The following CNTN6 variants were observed in gnomAD, a reference collection of about 807,000 sequenced individuals.
The protein encoded by CNTN6 is contactin 6, also known as contactin-6.
CNTN6 carries 137 observed loss-of-function variants against 122.8 expected under a neutral mutation model. That is an observed-to-expected ratio of 1.12 (90% CI 0.97 to 1.29). The LOEUF is 1.29. Ranked by LOEUF, CNTN6 falls within the 50% of genes most tolerant of loss-of-function variation. The probability of loss-of-function intolerance (pLI) is 0.00; values close to 1 mark genes in which losing one functional copy is unlikely to be tolerated. For synonymous variants in CNTN6, 570 were observed against 426.0 expected, an observed-to-expected ratio of 1.34 and a Z score of -4.16; for missense variants, 1,634 against 1,223.4, an observed-to-expected ratio of 1.34 and a Z score of -5.01.
intron 1 of CNTN6, among the ~76,000 whole-genome samples, chr3:1,135,134 C>A (rs764912846): frequency 1.7e-4 from 26 of 152,170 alleles, no homozygotes; most frequent in Non-Finnish European, 3.2e-4. Flanking sequence ...AAAGCCAGGG[C>A]ACTTAAGATA....
intron 4 of CNTN6, among the ~76,000 whole-genome samples, chr3:1,247,970 G>A (rs2094605463): frequency 6.6e-6 from 1 of 152,030 alleles, no homozygotes; most frequent in African/African-American, 2.4e-5. Context: ...TCTCTAAAAT[G>A]CAGACAATAG....
At chr3:1,173,418 T>G in intron 2 of CNTN6, 1 of 380,656 alleles carries the variant, frequency 2.6e-6, no homozygotes, top group East Asian at 7.3e-5. Context: ...TTTCATTTAA[T>G]CCTCAGAAAA....
chr3:1,362,989 A>G (rs921953490), intron 12 of CNTN6, among the ~76,000 whole-genome samples: 1 of 151,964 alleles, frequency 6.6e-6, no homozygotes, highest in Non-Finnish European at 1.5e-5. Flanking sequence ...TTAATGCGCT[A>G]AAGACAATAC....
intron 20 of CNTN6, among the ~76,000 whole-genome samples, chr3:1,397,990 G>C (rs1695193647): frequency 6.6e-6 from 1 of 151,986 alleles, no homozygotes; most frequent in Non-Finnish European, 1.5e-5. Context: ...AGAATTCTGA[G>C]GGGCTAGTTT....
At chr3:1,187,347 T>C (rs1279220097) in intron 2 of CNTN6, among the ~76,000 whole-genome samples, 2 of 152,146 alleles carry the variant, frequency 1.3e-5, no homozygotes, top group Admixed American at 1.3e-4. Context: ...CCAATGAGGA[T>C]GAAATAATTA....
chr3:1,369,831 T>A (rs926770330), intron 12 of CNTN6, among the ~76,000 whole-genome samples: 1 of 152,000 alleles, frequency 6.6e-6, no homozygotes, highest in East Asian at 1.9e-4. Flanking sequence ...AAAATTTTCT[T>A]GGATCCCTGG....
rs551839687 is a variant in CNTN6, at chr3:1,404,174, T to G, written c.*756T>G. ...GGTAATTATGACAAGTTGATTGCAA[T>G]GTATGTGGCCTTATTTTTATAATAA... is the stretch of plus-strand genomic sequence containing the variant. On this transcript the variant is annotated 3_prime_UTR_variant, in exon 23 of 23. Coordinates refer to ENST00000446702, the MANE Select transcript of CNTN6 (RefSeq NM_001289080.2). 7.9e-5 allele frequency: 12 copies of G among 152,176 alleles called. No individual in the cohort carries two copies. Among genetic ancestry groups the G allele is most frequent in the Non-Finnish European group, 1.8e-4 (12 of 68,044 alleles). The allele number at this position is 152,176 out of a possible 1,614,324, so 9.4% of individuals were successfully genotyped here.
At chr3:1,268,200 C>T (rs1399212590) in intron 4 of CNTN6, among the ~76,000 whole-genome samples, 4 of 152,166 alleles carry the variant, frequency 2.6e-5, no homozygotes, top group African/African-American at 9.7e-5. Flanking sequence ...ATTGTATGTC[C>T]ACCCAAGAGG....
chr3:1,389,449 T>C (rs1394095525), intron 20 of CNTN6, among the ~76,000 whole-genome samples: 25 of 152,036 alleles, frequency 1.6e-4, no homozygotes, highest in Non-Finnish European at 3.1e-4. Context: ...TACCAGCCGC[T>C]GCAAAATCAT....
intron 4 of CNTN6, among the ~76,000 whole-genome samples, chr3:1,241,339 G>A (rs1432706185): frequency 2.6e-5 from 4 of 152,000 alleles, no homozygotes; most frequent in African/African-American, 9.7e-5. Context: ...AACGGGCGAT[G>A]TTTCTCAGGG....
chr3:1,181,815 A>G (rs1331959059), intron 2 of CNTN6, among the ~76,000 whole-genome samples: 1 of 152,184 alleles, frequency 6.6e-6, no homozygotes, highest in African/African-American at 2.4e-5. Flanking sequence ...CTGATTCTTT[A>G]TAAGGAATCA....
At chr3:1,276,753 A>G (rs762371282) in intron 4 of CNTN6, among the ~76,000 whole-genome samples, 9 of 152,198 alleles carry the variant, frequency 5.9e-5, no homozygotes, top group Non-Finnish European at 1.2e-4. Context: ...AAAAAGTTAA[A>G]CTGATGCGAC....
At chr3:1,187,696 G>T (rs1284308806) in intron 2 of CNTN6, among the ~76,000 whole-genome samples, 1 of 152,182 alleles carries the variant, frequency 6.6e-6, no homozygotes, top group Non-Finnish European at 1.5e-5. Context: ...TGCAAACGCA[G>T]GACCTCTTGT....
intron 2 of CNTN6, among the ~76,000 whole-genome samples, chr3:1,183,442 C>G (rs1312466254): frequency 6.7e-6 from 1 of 150,162 alleles, no homozygotes; most frequent in Non-Finnish European, 1.5e-5. Flanking sequence ...TTGGCCATGA[C>G]CATATTTTTT....
intron 2 of CNTN6, among the ~76,000 whole-genome samples, chr3:1,186,145 CAGAGA>C (rs2093625360): frequency 6.6e-6 from 1 of 151,938 alleles, no homozygotes; most frequent in Non-Finnish European, 1.5e-5. Context: ...ATTAAATTCT[CAGAGA>C]AGAGAAAAAA....
At chr3:1,343,973 A>G (rs1027610082) in intron 11 of CNTN6, among the ~76,000 whole-genome samples, 7 of 152,212 alleles carry the variant, frequency 4.6e-5, no homozygotes, top group Non-Finnish European at 1.0e-4. Context: ...TTATCTAAAA[A>G]GAAAATTAAA....
At chr3:1,234,893 A>G (rs2094402071) in intron 4 of CNTN6, among the ~76,000 whole-genome samples, 1 of 152,210 alleles carries the variant, frequency 6.6e-6, no homozygotes, top group Non-Finnish European at 1.5e-5. Flanking sequence ...TATCAAGGAG[A>G]AAACTTTGTC....
chr3:1,316,487 G>T (rs1393809072), intron 7 of CNTN6, among the ~76,000 whole-genome samples: 3 of 151,756 alleles, frequency 2.0e-5, no homozygotes, highest in Non-Finnish European at 4.4e-5. Context: ...CAGCACCACG[G>T]AGATAGTGCT....
intron 4 of CNTN6, among the ~76,000 whole-genome samples, chr3:1,265,147 T>C (rs2094908324): frequency 1.3e-5 from 2 of 151,366 alleles, no homozygotes; most frequent in Middle Eastern, 3.4e-3. Flanking sequence ...TTAACTTGCT[T>C]CCATGTCATT....
Sources: gnomAD v4.1 joint callset for allele counts (sites outside exome capture counted in the v4.1 genomes callset) on GRCh38, gnomAD v4.1.1 for gene constraint, MANE v1.5 for transcripts, NCBI Gene and HGNC (gene_info 2026-07-23, HGNC 2026-07-21) for gene names.